CC2D2A: variants seen among roughly 807,000 people sequenced by gnomAD.
The protein encoded by CC2D2A is coiled-coil and C2 domain containing 2A.
CC2D2A carries 155 observed loss-of-function variants against 212.9 expected under a neutral mutation model. That is an observed-to-expected ratio of 0.73 (90% CI 0.64 to 0.83). The LOEUF (loss-of-function observed/expected upper bound fraction) is 0.83, where lower values mean the gene tolerates loss of function less well. Ranked by LOEUF, CC2D2A falls within the 40% of genes least tolerant of loss-of-function variation. CC2D2A has a pLI of 0.00. For synonymous variants in CC2D2A, 667 were observed against 686.5 expected, an observed-to-expected ratio of 0.97 and a Z score of 0.44; for missense variants, 1,856 against 1,956.2, an observed-to-expected ratio of 0.95 and a Z score of 0.97.
At chr4:15,567,965 G>T (rs1052067959) in intron 26 of CC2D2A, among the ~76,000 whole-genome samples, 179 bp downstream of exon 26, 1 of 152,098 alleles carries the variant, frequency 6.6e-6, no homozygotes, top group Non-Finnish European at 1.5e-5. Flanking sequence ...CTCCCTTCAA[G>T]AATAAAAATG....
chr4:15,538,045 A>T lies in CC2D2A; in HGVS notation c.1911A>T (p.Arg637Ser), dbSNP rs781540923. 1.2e-6 allele frequency: 2 copies of T among 1,607,562 alleles called. No individual in the cohort carries two copies. Among genetic ancestry groups the T allele is most frequent in the Non-Finnish European group, 1.7e-6 (2 of 1,177,190 alleles). The change falls in exon 16 of 37, where the codon AGA (arginine) becomes AGT (serine). Residue 637 changes from arginine (R) to serine (S), a missense_variant. Around this residue, in one of 5 missense-constraint regions of CC2D2A, gnomAD observed 1,512 missense variants for 1,579.3 expected, o/e 0.96. Coordinates refer to ENST00000424120, the MANE Select transcript of CC2D2A (RefSeq NM_001378615.1). ...RAVIEQEVRE[R>S]AAQSRRRPWE... ...TGATAGAGCAGGAGGTGAGGGAGAG[A>T]GCAGCCCAGAGCAGGAGGAGGCCTT...
At chr4:15,568,246 G>A (rs553345385) in intron 26 of CC2D2A, among the ~76,000 whole-genome samples, 2 of 152,358 alleles carry the variant, frequency 1.3e-5, no homozygotes, top group Non-Finnish European at 2.9e-5. Flanking sequence ...TTCAGTACTT[G>A]AAGCAACCTT....
intron 4 of CC2D2A, among the ~76,000 whole-genome samples, chr4:15,485,442 G>A (rs1376256732): frequency 6.6e-6 from 1 of 152,154 alleles, no homozygotes; most frequent in Non-Finnish European, 1.5e-5. Flanking sequence ...GTAAAAATAG[G>A]AGTTCAGATA....
chr4:15,547,993 C>T (rs1012421960), intron 17 of CC2D2A, among the ~76,000 whole-genome samples: 1 of 152,038 alleles, frequency 6.6e-6, no homozygotes, highest in Non-Finnish European at 1.5e-5. Flanking sequence ...GAGCCGAGAT[C>T]ACTCCATTGC....
chr4:15,523,615 C>G (rs1159826223), intron 11 of CC2D2A, among the ~76,000 whole-genome samples: 1 of 152,152 alleles, frequency 6.6e-6, no homozygotes, highest in African/African-American at 2.4e-5. Flanking sequence ...AACTTAGTGG[C>G]TCAAAAAACT....
chr4:15,557,265 G>A (rs757384360), intron 20 of CC2D2A, 39 bp from the exon 21 acceptor site: 2 of 1,456,386 alleles, frequency 1.4e-6, no homozygotes, highest in South Asian at 2.4e-5. Context: ...GATGAGATCT[G>A]ACTGTCATCT....
At chr4:15,559,331 C>A (rs1048568222) in intron 22 of CC2D2A, 74 bp downstream of exon 22, 1 of 920,466 alleles carries the variant, frequency 1.1e-6, no homozygotes, top group Non-Finnish European at 1.7e-6. Flanking sequence ...GTCCTCTACT[C>A]TTTTAAATAT....
chr4:15,562,428 C>G (rs551244186), intron 23 of CC2D2A, among the ~76,000 whole-genome samples: 1 of 152,346 alleles, frequency 6.6e-6, no homozygotes, highest in South Asian at 2.1e-4. Flanking sequence ...AACGTTTCTC[C>G]TATGATTCAC....
chr4:15,561,917 G>C (rs778173648), intron 23 of CC2D2A, among the ~76,000 whole-genome samples: 1 of 152,110 alleles, frequency 6.6e-6, no homozygotes, highest in Non-Finnish European at 1.5e-5. Context: ...CTACTACTAA[G>C]GAACCTTCAG....
At chr4:15,471,202 C>T (rs2108959401) in intron 1 of CC2D2A, among the ~76,000 whole-genome samples, 1 of 152,258 alleles carries the variant, frequency 6.6e-6, no homozygotes, top group Middle Eastern at 3.4e-3. Context: ...GGTGTCCAAG[C>T]TCCAGGAGGG....
At chr4:15,588,791 G>A (rs1312472331) in intron 32 of CC2D2A, among the ~76,000 whole-genome samples, 5 of 152,072 alleles carry the variant, frequency 3.3e-5, no homozygotes, top group Non-Finnish European at 5.9e-5. Flanking sequence ...ACAACTCTGG[G>A]TTTTATAGAA....
chr4:15,507,045 T>C (rs1359426726), intron 6 of CC2D2A, among the ~76,000 whole-genome samples: 1 of 148,030 alleles, frequency 6.8e-6, no homozygotes, highest in Non-Finnish European at 1.5e-5. Flanking sequence ...GCCACTGCAC[T>C]CCAGTCTGGG....
chr4:15,541,074 G>T (rs540063216), intron 17 of CC2D2A, 60 bp downstream of exon 17: 2 of 1,353,674 alleles, frequency 1.5e-6, no homozygotes, highest in African/African-American at 1.5e-5. Context: ...TACTTTGGGA[G>T]GCCAAGGTGG....
rs1026681868 is a variant in CC2D2A, at chr4:15,523,239, T to A, written c.1150-4208T>A. ...CTTCCATCCTTAACTAAAAAATACT[T>A]AACTAAAAGTCTACTATATTCTTAG... On this transcript the variant is annotated intron_variant, in intron 11 of 36. Transcript: ENST00000424120. 1.1e-4 allele frequency among the ~76,000 whole-genome samples: 16 copies of A among 152,278 alleles called. No individual in the cohort carries two copies. In the East Asian group the frequency reaches 1.5e-3, roughly 15 times the overall value.
intron 6 of CC2D2A, among the ~76,000 whole-genome samples, chr4:15,509,912 G>A (rs554155304): frequency 2.6e-5 from 4 of 152,264 alleles, no homozygotes; most frequent in Admixed American, 6.5e-5. Flanking sequence ...TAAAAATACC[G>A]TATTTATAGT....
intron 11 of CC2D2A, among the ~76,000 whole-genome samples, chr4:15,526,239 G>A (rs1195622556): frequency 6.6e-6 from 1 of 152,094 alleles, no homozygotes; most frequent in Non-Finnish European, 1.5e-5. Flanking sequence ...ATGAGATGAT[G>A]CGTGTGAAAT....
At chr4:15,574,412 C>A in intron 29 of CC2D2A, 86 bp downstream of exon 29, 1 of 1,032,030 alleles carries the variant, frequency 9.7e-7, no homozygotes, top group Non-Finnish European at 1.4e-6. Flanking sequence ...GAACTTTTTC[C>A]TACACAAACA....
rs747319638 is a variant in CC2D2A at position 15,560,552 on chromosome 4, C to A, written c.2944C>A (p.Arg982Ser). Residue 982 changes from arginine (R) to serine (S), a missense_variant, in exon 23 of 37, where the codon CGT (arginine) becomes AGT (serine). Arg to Ser is a moderately radical substitution (Grantham distance 110). Coordinates refer to ENST00000424120, the MANE Select transcript of CC2D2A (RefSeq NM_001378615.1). The part of the protein sequence containing the change: ...LQQVRESVIN[R>S]FLIAKQYFLL... ...CCAGGTTAGAGAATCAGTGATAAAT[C>A]GTTTCTTAATTGCAAAACAATATTT... The A allele has an allele frequency of 2.0e-6, 3 of 1,516,828 alleles. No homozygotes were observed. The highest frequency in any genetic ancestry group is 2.7e-6 in the Non-Finnish European group (3 of 1,102,790). 94.0% of individuals were successfully genotyped at this position (1,516,828 alleles called of 1,614,324 possible). A position where few individuals can be genotyped will look rare whatever the true frequency, so the allele number is the denominator to read the frequency against.
chr4:15,507,912 C>T (rs1012990444), intron 6 of CC2D2A, among the ~76,000 whole-genome samples: 136 of 152,280 alleles, frequency 8.9e-4, no homozygotes, highest in African/African-American at 3.1e-3. Context: ...GACCAAAGGT[C>T]ACTGTTTTCT....
Sources: allele counts gnomAD v4.1 joint callset (sites outside exome capture counted in the v4.1 genomes callset), GRCh38; gene constraint gnomAD v4.1.1; regional missense constraint gnomAD v4.1.1; transcripts MANE v1.5; gene names NCBI Gene and HGNC (gene_info 2026-07-23, HGNC 2026-07-21).